Variants in CNTNAP4 observed in about 807,000 individuals in gnomAD.
CNTNAP4 encodes contactin-associated protein-like 4.
Under a neutral mutation model 148.4 loss-of-function variants are expected in CNTNAP4, and 98 were observed. That is an observed-to-expected ratio of 0.66 (90% CI 0.56 to 0.78). The LOEUF (loss-of-function observed/expected upper bound fraction) is 0.78. CNTNAP4 is among the 30% of genes least tolerant of loss of function. The pLI is 0.00. For synonymous variants in CNTNAP4, 730 were observed against 565.1 expected, an observed-to-expected ratio of 1.29 and a Z score of -4.14; for missense variants, 1,935 against 1,565.6, an observed-to-expected ratio of 1.24 and a Z score of -3.98.
At chr16:76,411,856 G>T (rs2078808295) in intron 3 of CNTNAP4, among the ~76,000 whole-genome samples, 1 of 151,336 alleles carries the variant, frequency 6.6e-6, no homozygotes, top group South Asian at 2.1e-4. Context: ...AAGCATAAAT[G>T]TATATACAAC....
chr16:76,362,062 T>C (rs1002419327), intron 3 of CNTNAP4, among the ~76,000 whole-genome samples: 1 of 152,142 alleles, frequency 6.6e-6, no homozygotes, highest in Admixed American at 6.5e-5. Flanking sequence ...GTTACTGATA[T>C]ATTTTTACTA....
intron 3 of CNTNAP4, among the ~76,000 whole-genome samples, chr16:76,408,769 T>G (rs1246975899): frequency 1.3e-5 from 2 of 151,998 alleles, no homozygotes; most frequent in East Asian, 3.9e-4. Context: ...AACAACAACT[T>G]TCCAAAGACC....
At chr16:76,553,022 C>A (rs1338379462) in intron 21 of CNTNAP4, among the ~76,000 whole-genome samples, 1 of 152,072 alleles carries the variant, frequency 6.6e-6, no homozygotes, top group East Asian at 1.9e-4. Context: ...TTAACCTGAC[C>A]CATTCTTATG....
chr16:76,367,650 C>T (rs1484071378), intron 3 of CNTNAP4, among the ~76,000 whole-genome samples: 1 of 152,118 alleles, frequency 6.6e-6, no homozygotes, highest in African/African-American at 2.4e-5. Flanking sequence ...ACAGCATGCA[C>T]AGCAACAGCA....
chr16:76,368,080 C>T (rs1200607459), intron 3 of CNTNAP4, among the ~76,000 whole-genome samples: 1 of 152,126 alleles, frequency 6.6e-6, no homozygotes, highest in Non-Finnish European at 1.5e-5. Context: ...CATTGGGTTG[C>T]TCAGTAATCT....
chr16:76,345,845 G>T (rs889198853), intron 2 of CNTNAP4, among the ~76,000 whole-genome samples: 7 of 152,160 alleles, frequency 4.6e-5, no homozygotes, highest in Non-Finnish European at 7.4e-5. Flanking sequence ...GGGAGGTCAG[G>T]AGCTTAAAGT....
chr16:76,365,609 G>A (rs1398898844), intron 3 of CNTNAP4, among the ~76,000 whole-genome samples: 1 of 151,846 alleles, frequency 6.6e-6, no homozygotes, highest in Admixed American at 6.6e-5. Flanking sequence ...AAAATTACCC[G>A]GGTATAGTGG....
At chr16:76,343,801 A>T (rs1282180867) in intron 2 of CNTNAP4, among the ~76,000 whole-genome samples, 2 of 152,198 alleles carry the variant, frequency 1.3e-5, no homozygotes, top group African/African-American at 2.4e-5. Flanking sequence ...ATCAAGAATA[A>T]GGCAAACAAA....
chr16:76,334,711 A>G (rs79930938), intron 2 of CNTNAP4, among the ~76,000 whole-genome samples: 16 of 152,278 alleles, frequency 1.1e-4, no homozygotes, highest in East Asian at 3.9e-4. Flanking sequence ...TGCAAAATCC[A>G]TCTATCAAAA....
chr16:76,501,418 G>T (rs1440240638), intron 15 of CNTNAP4, among the ~76,000 whole-genome samples: 1 of 152,144 alleles, frequency 6.6e-6, no homozygotes, highest in African/African-American at 2.4e-5. Flanking sequence ...TGTTTTAAGT[G>T]AGGTCCCTAC....
chr16:76,361,132 T>A (rs2013386573), intron 3 of CNTNAP4, among the ~76,000 whole-genome samples: 1 of 151,866 alleles, frequency 6.6e-6, no homozygotes, highest in African/African-American at 2.4e-5. Flanking sequence ...CCATTTTTTA[T>A]AATTGTGTTA....
intron 4 of CNTNAP4, among the ~76,000 whole-genome samples, chr16:76,433,924 A>G (rs959455887): frequency 1.3e-5 from 2 of 152,094 alleles, no homozygotes; most frequent in African/African-American, 4.8e-5. Flanking sequence ...ATCAAAGAGT[A>G]TAAATTCTCT....
At chr16:76,377,894 A>T (rs2015578590) in intron 3 of CNTNAP4, among the ~76,000 whole-genome samples, 1 of 152,198 alleles carries the variant, frequency 6.6e-6, no homozygotes, top group Admixed American at 6.5e-5. Flanking sequence ...TTCAGGTGGG[A>T]TGAATTCACC....
intron 15 of CNTNAP4, among the ~76,000 whole-genome samples, chr16:76,519,031 G>T (rs1325209310): frequency 6.6e-6 from 1 of 152,142 alleles, no homozygotes; most frequent in Non-Finnish European, 1.5e-5. Flanking sequence ...AGGTGGCCCA[G>T]ATTCTGGTGG....
chr16:76,518,139 A>G (rs2083319409), intron 15 of CNTNAP4, among the ~76,000 whole-genome samples: 1 of 151,796 alleles, frequency 6.6e-6, no homozygotes, highest in African/African-American at 2.4e-5. Flanking sequence ...TTTATTTATT[A>G]TTTTTTGATG....
rs143440412 is a variant in CNTNAP4, at chr16:76,330,710, T to A, written c.196+14187T>A. Among the ~76,000 whole-genome samples the A allele has an allele frequency of 8.0e-3, 1,215 of 152,338 alleles. 5 individuals carry two copies. The highest frequency in any genetic ancestry group is 0.028 in the African/African-American group (1,161 of 41,574). Reference sequence around the variant, plus strand: ...GTGCTATTTCTTATACTTATTAGATTTGCTCTTTTGCTCTTAGCACTACAT... The same window carrying A: ...GTGCTATTTCTTATACTTATTAGATATGCTCTTTTGCTCTTAGCACTACAT... On this transcript the variant is annotated intron_variant, in intron 2 of 23. Transcript: ENST00000611870.
chr16:76,295,728 G>A (rs1959227500), intron 1 of CNTNAP4, among the ~76,000 whole-genome samples: 1 of 152,150 alleles, frequency 6.6e-6, no homozygotes, highest in Non-Finnish European at 1.5e-5. Flanking sequence ...GGTGGCTTTT[G>A]CTTTTTATTG....
intron 3 of CNTNAP4, among the ~76,000 whole-genome samples, chr16:76,365,232 A>T (rs1333278644): frequency 6.6e-6 from 1 of 152,106 alleles, no homozygotes; most frequent in Admixed American, 6.5e-5. Context: ...CCCTTGGTCT[A>T]TATATCTGTT....
At chr16:76,397,894 A>G (rs1159928657) in intron 3 of CNTNAP4, among the ~76,000 whole-genome samples, 1 of 134,640 alleles carries the variant, frequency 7.4e-6, no homozygotes, top group Non-Finnish European at 1.6e-5. Flanking sequence ...AACTTTGTTT[A>G]GCATACATAT....
Sources: gnomAD v4.1 joint callset for allele counts (sites outside exome capture counted in the v4.1 genomes callset) on GRCh38, gnomAD v4.1.1 for gene constraint, MANE v1.5 for transcripts, NCBI Gene and HGNC (gene_info 2026-07-23, HGNC 2026-07-21) for gene names.